Variants in ATP5PF observed in about 807,000 individuals in gnomAD.
ATP5PF encodes the protein ATP synthase peripheral stalk subunit F6, also known as ATP synthase peripheral stalk subunit F6, mitochondrial.
A neutral mutation model predicts 12.0 loss-of-function variants in ATP5PF; 7 were observed. The observed-to-expected ratio is 0.58, with a 90% CI of 0.33 to 1.10. The LOEUF (loss-of-function observed/expected upper bound fraction) is 1.10, where lower values mean the gene tolerates loss of function less well. ATP5PF is among the 50% of genes least tolerant of loss of function. The pLI is 0.03. For missense variants in ATP5PF, 120 were observed against 127.7 expected, an observed-to-expected ratio of 0.94 and a Z score of 0.29; for synonymous variants, 41 against 45.4, an observed-to-expected ratio of 0.90 and a Z score of 0.39.
intron 1 of ATP5PF, chr21:25,734,543 T>C: frequency 2.1e-6 from 1 of 472,072 alleles, no homozygotes. Flanking sequence ...TGGCCGAAAA[T>C]CTCTCCCGCG....
At chr21:25,733,356 G>A (rs909277395) in intron 1 of ATP5PF, among the ~76,000 whole-genome samples, 41 of 151,734 alleles carry the variant, frequency 2.7e-4, no homozygotes, top group African/African-American at 9.2e-4. Flanking sequence ...GGTGAAACCC[G>A]GTCTCTACTG....
intron 1 of ATP5PF, among the ~76,000 whole-genome samples, chr21:25,730,561 CT>C (rs2034735509): frequency 6.6e-6 from 1 of 151,746 alleles, no homozygotes. Flanking sequence ...AAAAGAAACC[CT>C]GTCTCTATTA....
In ATP5PF at chr21:25,725,277, G is replaced by C; in HGVS notation, c.238C>G (p.Gln80Glu). The C allele has an allele frequency of 6.2e-7, 1 of 1,613,288 alleles. No individual in the cohort carries two copies. Among genetic ancestry groups the C allele is most frequent in the Non-Finnish European group, 8.5e-7 (1 of 1,179,938 alleles). ...TTCATGTCTGCATTACCAAACATTT[G>C]CTTGAGCTTAAAAAGCTCCCTCTCC... Reference protein sequence around the residue: ...ELERELFKLKQMFGNADMNTF... With the variant: ...ELERELFKLKEMFGNADMNTF... Residue 80 changes from glutamine to glutamate, a missense_variant, in exon 3 of 4, where the codon CAA becomes GAA. Physicochemically the swap from Gln to Glu is conservative, Grantham distance 29. Transcript: ENST00000284971.
At position 25,734,851 on chromosome 21, in the gene ATP5PF, A is replaced by C; in HGVS notation, c.-8+2T>G. Reference sequence around the variant, plus strand: ...CGCTGATCTAGCTACCCTCCCAGTCACCTTGCACTCAGTCCCGAGCTGCCA... The same window carrying C: ...CGCTGATCTAGCTACCCTCCCAGTCCCCTTGCACTCAGTCCCGAGCTGCCA... On this transcript the variant is annotated splice_donor_variant, in intron 1 of 3. Transcript: ENST00000284971. LOFTEE classifies it low-confidence loss of function (5UTR_SPLICE). 6.5e-7 allele frequency: 1 copy of C among 1,538,868 alleles called. No individual in the cohort carries two copies. The highest frequency in any genetic ancestry group is 8.7e-7 in the Non-Finnish European group (1 of 1,145,834).
intron 1 of ATP5PF, among the ~76,000 whole-genome samples, chr21:25,730,718 G>C (rs1255846066): frequency 2.4e-5 from 2 of 82,396 alleles, no homozygotes; most frequent in Non-Finnish European, 2.3e-5. Context: ...TGGGCAACAA[G>C]AGCAAGACTC....
Position 25,732,200 on chromosome 21 carries a change from G to T in ATP5PF, c.-7-2399C>A, listed in dbSNP as rs112471585. 9.5e-3 allele frequency among the ~76,000 whole-genome samples: 1,441 copies of T among 152,316 alleles called. 25 individuals are homozygous for T. The highest frequency in any genetic ancestry group is 0.033 in the African/African-American group (1,379 of 41,562). On this transcript the variant is annotated intron_variant, in intron 1 of 3. Transcript: ENST00000284971. ...TTTTTGGTTGTTCTCACCAAGCTGA[G>T]TGCTACTGGCTTATAATGAGTACAA...
chr21:25,735,026 C>T, upstream of ATP5PF: 1 of 1,507,868 alleles, frequency 6.6e-7, no homozygotes, highest in Non-Finnish European at 9.0e-7. Context: ...TGCGACCGGA[C>T]GGGTCTAGGT....
chr21:25,726,112 C>T (rs1482815435), intron 2 of ATP5PF, among the ~76,000 whole-genome samples: 2 of 152,292 alleles, frequency 1.3e-5, no homozygotes, highest in Middle Eastern at 3.4e-3. Flanking sequence ...TAAATGCACA[C>T]GTACCTCTAA....
intron 1 of ATP5PF, among the ~76,000 whole-genome samples, chr21:25,730,736 C>CACAAA (rs1219090743): frequency 6.3e-4 from 20 of 31,894 alleles, no homozygotes; most frequent in Non-Finnish European, 9.7e-4. Flanking sequence ...CTCCGTCTCA[C>CACAAA]AAAAAAAAAA....
In ATP5PF at chr21:25,725,352, TGTTAA is replaced by T; in HGVS notation, c.165-7_165-3del. 1 of 1,578,756 alleles carries T rather than the reference TGTTAA, an allele frequency of 6.3e-7. No homozygotes were observed. Among genetic ancestry groups the T allele is most frequent in the African/African-American group, 1.4e-5 (1 of 73,098 alleles). On this transcript the variant is annotated splice_polypyrimidine_tract_variant and splice_region_variant and intron_variant, in intron 2 of 3. Coordinates refer to ENST00000284971, the MANE Select transcript of ATP5PF (RefSeq NM_001003703.2). ...GCATCAACAGGTCCTCCAGATGTCCTGTTAAGTAAATGAGCAAACAAAAATTAATT... is the reference window on the plus strand; with the variant it reads ...GCATCAACAGGTCCTCCAGATGTCCTGTAAATGAGCAAACAAAAATTAATT...
intron 1 of ATP5PF, among the ~76,000 whole-genome samples, chr21:25,732,147 A>G (rs1478178771): frequency 6.6e-6 from 1 of 152,174 alleles, no homozygotes; most frequent in Non-Finnish European, 1.5e-5. Context: ...TTTCTCTCCA[A>G]GGAGACATCT....
intron 1 of ATP5PF, among the ~76,000 whole-genome samples, chr21:25,733,987 T>C (rs1031067709): frequency 6.6e-6 from 1 of 152,206 alleles, no homozygotes; most frequent in African/African-American, 2.4e-5. Context: ...ATCCACAGCA[T>C]TCAACAGTTC....
chr21:25,734,772 G>A (rs1402865169), intron 1 of ATP5PF, 81 bp downstream of exon 1: 1 of 1,373,750 alleles, frequency 7.3e-7, no homozygotes, highest in Non-Finnish European at 9.8e-7. Flanking sequence ...TAGTAAAGGT[G>A]AGAGGCAGCC....
At chr21:25,730,734 C>CCCAAAAA (rs2034742537) in intron 1 of ATP5PF, among the ~76,000 whole-genome samples, 1 of 5,938 alleles carries the variant, frequency 1.7e-4, no homozygotes, top group African/African-American at 3.4e-4. Context: ...GACTCCGTCT[C>CCCAAAAA]ACAAAAAAAA....
At chr21:25,734,294 C>T (rs2034918900) in intron 1 of ATP5PF, 1 of 983,210 alleles carries the variant, frequency 1.0e-6, no homozygotes, top group African/African-American at 1.7e-5. Context: ...AGGCCTTGTT[C>T]TGGGTGGGAG....
At chr21:25,732,595 G>C (rs916173450) in intron 1 of ATP5PF, among the ~76,000 whole-genome samples, 3 of 150,764 alleles carry the variant, frequency 2.0e-5, no homozygotes, top group African/African-American at 7.3e-5. Flanking sequence ...GCAGTGAGCT[G>C]TGATTGCACC....
upstream of ATP5PF, chr21:25,734,914 C>T (rs1257248400): frequency 2.6e-6 from 4 of 1,568,268 alleles, no homozygotes. Flanking sequence ...TACTTCCGGC[C>T]CTGGCTCCGC....
chr21:25,731,251 A>G (rs1266224839), intron 1 of ATP5PF, among the ~76,000 whole-genome samples: 1 of 152,226 alleles, frequency 6.6e-6, no homozygotes, highest in African/African-American at 2.4e-5. Context: ...AAAAAGAAAA[A>G]AAAGGAAATG....
chr21:25,735,036 T>C, upstream of ATP5PF: 1 of 1,460,630 alleles, frequency 6.8e-7, no homozygotes, highest in Non-Finnish European at 9.3e-7. Context: ...CGGGTCTAGG[T>C]GAGACAGAAG....
Sources: gnomAD v4.1 joint callset for allele counts (sites outside exome capture counted in the v4.1 genomes callset) on GRCh38, gnomAD v4.1.1 for gene constraint, MANE v1.5 for transcripts, NCBI Gene and HGNC (gene_info 2026-07-23, HGNC 2026-07-21) for gene names.